The following CLSPN variants were observed in gnomAD, a reference collection of about 807,000 sequenced individuals.
CLSPN encodes claspin.
In CLSPN, 85 loss-of-function variants were observed where a neutral mutation model predicts 156.3. The observed-to-expected ratio is 0.54, with a 90% CI of 0.46 to 0.65. The LOEUF (loss-of-function observed/expected upper bound fraction) is 0.65, where lower values mean the gene tolerates loss of function less well. Ranked by LOEUF, CLSPN falls within the 30% of genes least tolerant of loss-of-function variation. The pLI, the probability that CLSPN is intolerant of heterozygous loss-of-function variation, is 0.00. For missense variants in CLSPN, 1,407 were observed against 1,554.9 expected (o/e 0.90, Z 1.60); for synonymous variants, 534 against 542.4 (o/e 0.98, Z 0.22).
At chr1:35,749,915 T>C in intron 10 of CLSPN, 104 bp from the exon 11 acceptor site, 1 of 1,306,614 alleles carries the variant, frequency 7.7e-7, no homozygotes, top group Non-Finnish European at 1.0e-6. Context: ...AGATCACATC[T>C]TAAATTCAAA....
Position 35,738,067 on chromosome 1 carries a change from C to T in CLSPN, c.3589G>A (p.Glu1197Lys). 7.0e-7 allele frequency: 1 copy of T among 1,425,752 alleles called. No individual in the cohort carries two copies. Among genetic ancestry groups the T allele is most frequent in the South Asian group, 1.7e-5 (1 of 57,580 alleles). The allele number at this position is 1,425,752 out of a possible 1,614,324, so 88.3% of individuals were successfully genotyped here. ...TGACTGTCCTCCCCAATTTCTTCTT[C>T]TTCTTCAGCTGTAATTTTCCCCTGC... ...AQQGKITAEE[E>K]EEIGEDSQFM... The change falls in exon 22 of 25, where the codon GAA becomes AAA. Residue 1197 changes from glutamate to lysine, a missense_variant. By Grantham distance (56) the Glu-to-Lys change is moderately conservative. Around this residue, in one of 3 missense-constraint regions of CLSPN, gnomAD observed 241 missense variants for 240.5 expected, o/e 1.00. Transcript: ENST00000318121.
chr1:35,763,700 T>A (rs1041108754), intron 3 of CLSPN, among the ~76,000 whole-genome samples: 9 of 152,208 alleles, frequency 5.9e-5, no homozygotes, highest in Non-Finnish European at 1.2e-4. Flanking sequence ...AATTACTCCA[T>A]GTGCTCATAA....
In CLSPN at chr1:35,720,783, C is replaced by A. The variant is rs144510268; in HGVS notation, c.*108G>T. 4.3e-4 allele frequency: 309 copies of A among 722,268 alleles called. No individual in the cohort carries two copies. In the African/African-American group the frequency reaches 5.0e-3, roughly 12 times the overall value. 44.7% of individuals were successfully genotyped at this position (722,268 alleles called of 1,614,324 possible). A position where few individuals can be genotyped will look rare whatever the true frequency, so the allele number is the denominator to read the frequency against. On this transcript the variant is annotated 3_prime_UTR_variant, in exon 25 of 25. Coordinates refer to the CLSPN transcript ENST00000251195. ...CCTAAAGGCTCTCAGCTTTGGTGAT[C>A]TAGGGTTATGCAGTTCTGCCCAGAC...
chr1:35,735,800 C>T lies in CLSPN; in HGVS notation c.*696G>A. ...GGAGTCATTATGGTACTGATTTTCA[C>T]TGTTTAATCTGTAATGTCACACTTT... On this transcript the variant is annotated 3_prime_UTR_variant, in exon 25 of 25. Coordinates refer to ENST00000318121, the MANE Select transcript of CLSPN (RefSeq NM_022111.4). 1.0e-6 allele frequency: 1 copy of T among 985,212 alleles called. No individual in the cohort carries two copies. Among genetic ancestry groups the T allele is most frequent in the African/African-American group, 1.7e-5 (1 of 57,294 alleles). The allele number at this position is 985,212 out of a possible 1,614,324, so 61.0% of individuals were successfully genotyped here.
chr1:35,728,921 A>AACACACACACAC (rs58348673), downstream of CLSPN, among the ~76,000 whole-genome samples: 82 of 85,136 alleles, frequency 9.6e-4, 1 homozygote, highest in Admixed American at 4.0e-3. Context: ...CCTCCCCTCA[A>AACACACACACAC]ACACACACAC....
At chr1:35,737,955 C>G (rs200277769) in intron 22 of CLSPN, 37 bp downstream of exon 22, 17 of 1,191,496 alleles carry the variant, frequency 1.4e-5, no homozygotes, top group Non-Finnish European at 1.9e-5. Context: ...CACTAACAAT[C>G]CAGGGGGCTA....
Position 35,736,558 on chromosome 1 carries a change from G to A in CLSPN, c.3958C>T (p.Leu1320Phe). ...CCTGAAGTGCTATCATCTGTTTTGA[G>A]GTGCTTAGGTGAAGGAGAAGTCATG... The part of the protein sequence containing the change: ...SFMTSPSPKH[L>F]KTDDSTSGLT... Residue 1320 changes from leucine (L) to phenylalanine (F), a missense_variant, in exon 25 of 25, where the codon CTC (leucine) becomes TTC (phenylalanine). Leu to Phe is a conservative substitution (Grantham distance 22). Transcript: ENST00000318121. 1 of 1,612,572 alleles carries A rather than the reference G, an allele frequency of 6.2e-7. No individual in the cohort carries two copies.
At position 35,746,936 on chromosome 1, in the gene CLSPN, G is replaced by A; in HGVS notation, c.2684C>T (p.Pro895Leu). ...NQYQALKPRL[P>L]LASMDENAMD... ...GGCATTCTCATCCATACTGGCCAAT[G>A]GCAATCGAGGCTTCAAAGCTTGGTA... Residue 895 changes from proline to leucine, a missense_variant, in exon 15 of 25, where the codon CCA becomes CTA. Transcript: ENST00000318121. This position sits in a 1 kb window ranked among gnomAD's most constrained non-coding sequence, Gnocchi z 4.2. The A allele has an allele frequency of 1.2e-6, 2 of 1,614,114 alleles. No homozygotes were observed. Among genetic ancestry groups the A allele is most frequent in the Non-Finnish European group, 1.7e-6 (2 of 1,180,014 alleles).
chr1:35,752,169 T>C (rs1481127519), intron 9 of CLSPN, among the ~76,000 whole-genome samples: 3 of 152,194 alleles, frequency 2.0e-5, no homozygotes, highest in Non-Finnish European at 4.4e-5. Flanking sequence ...TCTGGCACTA[T>C]AATATAACAC....
At chr1:35,737,882 G>T in intron 22 of CLSPN, 110 bp downstream of exon 22, 1 of 556,916 alleles carries the variant, frequency 1.8e-6, no homozygotes, top group South Asian at 4.7e-5. Flanking sequence ...GACAGTATTA[G>T]ACACAAGCTT....
Position 35,769,929 on chromosome 1 carries a change from G to C in CLSPN, c.-59C>G. On this transcript the variant is annotated 5_prime_UTR_variant, in exon 1 of 25. Transcript: ENST00000318121. Reference sequence around the variant, plus strand: ...GAGCTGTCTCTGATTCCCTCAGCCGGAGAGCAGCGGCTCCCGCCGTCTCCA... The same window carrying C: ...GAGCTGTCTCTGATTCCCTCAGCCGCAGAGCAGCGGCTCCCGCCGTCTCCA... 4 of 1,588,390 alleles carry C rather than the reference G, an allele frequency of 2.5e-6. No homozygotes were observed. The highest frequency in any genetic ancestry group is 3.4e-6 in the Non-Finnish European group (4 of 1,164,414).
rs58298595 is a variant in CLSPN at position 35,722,519 on chromosome 1, G to T, written c.3910-1539C>A. On this transcript the variant is annotated intron_variant, in intron 24 of 24. Coordinates refer to the CLSPN transcript ENST00000251195. ...CCTGCCTTGGCCTCCCAAAGTGCTA[G>T]GATTTCAGGCGTGAGCCACCACACC... 9.2e-3 allele frequency among the ~76,000 whole-genome samples: 1,403 copies of T among 152,096 alleles called. 18 individuals are homozygous for T. Among genetic ancestry groups the T allele is most frequent in the African/African-American group, 0.032 (1,323 of 41,482 alleles).
At chr1:35,747,127 C>T in intron 14 of CLSPN, 135 bp from the exon 15 acceptor site, 3 of 630,744 alleles carry the variant, frequency 4.8e-6, no homozygotes, top group South Asian at 1.9e-5. Context: ...TCAAGACCAT[C>T]CTGGCTAACA....
At position 35,735,173 on chromosome 1, in the gene CLSPN, G is replaced by A. The variant is rs1209795761; in HGVS notation, c.*1323C>T. On this transcript the variant is annotated 3_prime_UTR_variant, in exon 25 of 25. Coordinates refer to ENST00000318121, the MANE Select transcript of CLSPN (RefSeq NM_022111.4). ...AAATTGAGAATTCAGTCCCAGGAAG[G>A]GTCTCTCTGCCCCACAGACTGTGGT... is the stretch of plus-strand genomic sequence containing the variant. 2 of 985,250 alleles carry A rather than the reference G, an allele frequency of 2.0e-6. No homozygotes were observed. The highest frequency in any genetic ancestry group is 3.5e-5 in the African/African-American group (2 of 57,210). The allele number at this position is 985,250 out of a possible 1,614,324, so 61.0% of individuals were successfully genotyped here. A position where few individuals can be genotyped will look rare whatever the true frequency, so the allele number is the denominator to read the frequency against.
At chr1:35,745,304 A>G (rs779651505) in intron 16 of CLSPN, 147 bp downstream of exon 16, 8 of 605,090 alleles carry the variant, frequency 1.3e-5, no homozygotes, top group Non-Finnish European at 2.4e-5. Context: ...TCTCCACCAA[A>G]GCATTATAAT....
chr1:35,764,187 A>AC, intron 3 of CLSPN, 79 bp downstream of exon 3: 1 of 838,470 alleles, frequency 1.2e-6, no homozygotes, highest in East Asian at 2.5e-5. Context: ...GAGAGCAGAA[A>AC]CAACCTCAAG....
At chr1:35,742,025 GT>G (rs1641712403) in intron 18 of CLSPN, among the ~76,000 whole-genome samples, 1 of 135,262 alleles carries the variant, frequency 7.4e-6, no homozygotes, top group African/African-American at 2.9e-5. Context: ...GCTCATGCCT[GT>G]AATCCCAGAC....
intron 1 of CLSPN, among the ~76,000 whole-genome samples, chr1:35,769,333 C>T (rs1642780073): frequency 6.6e-6 from 1 of 152,218 alleles, no homozygotes; most frequent in African/African-American, 2.4e-5. Flanking sequence ...GCGGTGACTT[C>T]CCCACTCGGG....
Position 35,734,389 on chromosome 1 carries a change from T to A in CLSPN, c.*2107A>T. ...CAACATCTTGAGTATTAGAAAACTG[T>A]AGAAAACCGGCCGGGTGCGGTGGCT... On this transcript the variant is annotated 3_prime_UTR_variant, in exon 25 of 25. Transcript: ENST00000318121. The A allele has an allele frequency of 1.0e-6, 1 of 985,248 alleles. No individual in the cohort carries two copies. Among genetic ancestry groups the A allele is most frequent in the Non-Finnish European group, 1.2e-6 (1 of 829,832 alleles). 61.0% of individuals were successfully genotyped at this position (985,248 alleles called of 1,614,324 possible).
Sources: allele counts gnomAD v4.1 joint callset (sites outside exome capture counted in the v4.1 genomes callset), GRCh38; gene constraint gnomAD v4.1.1; regional missense constraint gnomAD v4.1.1; non-coding constraint Gnocchi (gnomAD v3.1); transcripts MANE v1.5; gene names NCBI Gene and HGNC (gene_info 2026-07-23, HGNC 2026-07-21).